PTPN13: variants seen among roughly 807,000 people sequenced by gnomAD.
PTPN13 encodes tyrosine-protein phosphatase non-receptor type 13.
A neutral mutation model predicts 284.0 loss-of-function variants in PTPN13; 191 were observed. The ratio of observed to expected loss-of-function variants is 0.67; its 90% CI spans 0.60 to 0.76. PTPN13 has a LOEUF of 0.76. PTPN13 is among the 30% of genes least tolerant of loss of function. PTPN13 has a pLI of 0.00. For synonymous variants in PTPN13, 986 were observed against 1,022.3 expected (o/e 0.96, Z 0.68); for missense variants, 2,797 against 2,939.9 (o/e 0.95, Z 1.12).
At chr4:86,644,568 A>G (rs943607667) in intron 2 of PTPN13, among the ~76,000 whole-genome samples, 1 of 152,222 alleles carries the variant, frequency 6.6e-6, no homozygotes, top group Non-Finnish European at 1.5e-5. Context: ...CTAATAGAAC[A>G]TTGAAGAGAA....
chr4:86,698,975 G>C (rs1172523926), intron 6 of PTPN13, among the ~76,000 whole-genome samples: 1 of 152,132 alleles, frequency 6.6e-6, no homozygotes, highest in Non-Finnish European at 1.5e-5. Context: ...TAGCAACAGA[G>C]AATTAACGAA....
Position 86,803,691 on chromosome 4 carries a change from T to C in PTPN13, c.6506-18T>C, listed in dbSNP as rs536543242. 3.1e-6 allele frequency: 5 copies of C among 1,611,628 alleles called. No homozygotes were observed. In the African/African-American group the frequency reaches 5.3e-5, roughly 17 times the overall value. ...TGGTTCTGGAGGAACTGTTTTTAAA[T>C]TGCTGTCTTCCTATTAGATCATTCC... On this transcript the variant is annotated intron_variant, in intron 42 of 47. Transcript: ENST00000411767.
chr4:86,662,366 T>C (rs1298280387), intron 2 of PTPN13, among the ~76,000 whole-genome samples: 1 of 152,216 alleles, frequency 6.6e-6, no homozygotes, highest in Non-Finnish European at 1.5e-5. Flanking sequence ...GGAGTCTCAC[T>C]CTGTCACCAG....
Position 86,734,837 on chromosome 4 carries a change from T to A in PTPN13, c.2113T>A (p.Leu705Met). 1 of 1,613,464 alleles carries A rather than the reference T, an allele frequency of 6.2e-7. No individual in the cohort carries two copies. Among genetic ancestry groups the A allele is most frequent in the Non-Finnish European group, 8.5e-7 (1 of 1,179,518 alleles). ...DDETSLLLAS[L>M]ALQAEYGDYQ... is the part of the protein sequence containing the mutation. ...TGAGACTTCCTTATTGCTGGCATCC[T>A]TGGCTCTCCAGGCTGAGTATGGAGA... Residue 705 changes from leucine (L) to methionine (M), a missense_variant, in exon 14 of 48, where the codon TTG (leucine) becomes ATG (methionine). By Grantham distance (15) the Leu-to-Met change is conservative. Coordinates refer to ENST00000411767, the MANE Select transcript of PTPN13 (RefSeq NM_080683.3).
At chr4:86,771,139 G>A (rs780982524) in intron 30 of PTPN13, 32 bp from the exon 31 acceptor site, 2 of 1,529,018 alleles carry the variant, frequency 1.3e-6, no homozygotes, top group Admixed American at 2.1e-5. Flanking sequence ...TCATAGAATG[G>A]TCACAAATCT....
chr4:86,665,325 T>C lies in PTPN13; in HGVS notation c.116-7040T>C, dbSNP rs113170881. ...TAAAACAGACCAATTTGGAGTAACA[T>C]GTTTGCATGATTTCATGTTATTAGA... On this transcript the variant is annotated intron_variant, in intron 2 of 47. Transcript: ENST00000411767. Among the ~76,000 whole-genome samples the C allele has an allele frequency of 2.5e-3, 383 of 152,326 alleles. 3 individuals are homozygous for C. Among genetic ancestry groups the C allele is most frequent in the African/African-American group, 8.7e-3 (361 of 41,572 alleles).
chr4:86,631,623 A>G (rs941327003), intron 1 of PTPN13, among the ~76,000 whole-genome samples: 6 of 152,152 alleles, frequency 3.9e-5, no homozygotes, highest in African/African-American at 1.4e-4. Context: ...TTGGAGTTCT[A>G]AGAAGTTCTA....
chr4:86,752,622 G>C (rs1737524315), intron 19 of PTPN13, among the ~76,000 whole-genome samples: 1 of 152,072 alleles, frequency 6.6e-6, no homozygotes. Flanking sequence ...AAGGAAAATA[G>C]TAAATACTCT....
intron 20 of PTPN13, among the ~76,000 whole-genome samples, chr4:86,755,394 A>T (rs972916732): frequency 2.0e-5 from 3 of 146,698 alleles, no homozygotes; most frequent in Non-Finnish European, 4.5e-5. Context: ...CCTTTGTAAG[A>T]GTAAAAACAA....
rs772226747 is a variant in PTPN13 at position 86,771,168 on chromosome 4, C to G, written c.4804-3C>G. 6.2e-7 allele frequency: 1 copy of G among 1,604,372 alleles called. No individual in the cohort carries two copies. The highest frequency in any genetic ancestry group is 8.5e-7 in the Non-Finnish European group (1 of 1,174,914). ...CAAATCTCTTTAAATGTGTCCATTA[C>G]AGACCCCACTTCAGTCTCCAGCACA... On this transcript the variant is annotated splice_region_variant and splice_polypyrimidine_tract_variant and intron_variant, in intron 30 of 47. Coordinates refer to ENST00000411767, the MANE Select transcript of PTPN13 (RefSeq NM_080683.3).
In PTPN13 at chr4:86,717,599, A is replaced by G. The variant is rs59833448; in HGVS notation, c.1385+482A>G. On this transcript the variant is annotated intron_variant, in intron 9 of 47. Coordinates refer to ENST00000411767, the MANE Select transcript of PTPN13 (RefSeq NM_080683.3). ...CAGAAATTCATCAATTATATGAAAG[A>G]CAAAGTATTGGAATCTTTTAAAATC... Among the ~76,000 whole-genome samples the G allele has an allele frequency of 5.6e-3, 860 of 152,272 alleles. 12 individuals are homozygous for G. The highest frequency in any genetic ancestry group is 0.019 in the African/African-American group (806 of 41,520).
In PTPN13 at chr4:86,785,976, G is replaced by A. The variant is rs1335933789; in HGVS notation, c.6345+40G>A. On this transcript the variant is annotated intron_variant, in intron 40 of 47. Coordinates refer to ENST00000411767, the MANE Select transcript of PTPN13 (RefSeq NM_080683.3). ...TAAACAACCTAGGATATGACAGCTT[G>A]TTACAATTATGGGTTTAACCCAGAA... is the stretch of plus-strand genomic sequence containing the variant. 2.5e-6 allele frequency: 3 copies of A among 1,187,944 alleles called. No individual in the cohort carries two copies. The Admixed American group carries it at 7.2e-5, about 29-fold the overall frequency. 73.6% of individuals were successfully genotyped at this position (1,187,944 alleles called of 1,614,324 possible). A position where few individuals can be genotyped will look rare whatever the true frequency, so the allele number is the denominator to read the frequency against.
chr4:86,734,964 A>G, intron 14 of PTPN13, 89 bp downstream of exon 14: 2 of 1,424,598 alleles, frequency 1.4e-6, no homozygotes, highest in Non-Finnish European at 1.9e-6. Flanking sequence ...CAGGTGTTTG[A>G]TGTTTAGATC....
intron 1 of PTPN13, among the ~76,000 whole-genome samples, chr4:86,621,762 G>A (rs918109511): frequency 1.1e-4 from 16 of 152,064 alleles, no homozygotes; most frequent in Non-Finnish European, 1.9e-4. Context: ...GAACCCGTGT[G>A]TAGATAAGAA....
intron 7 of PTPN13, among the ~76,000 whole-genome samples, chr4:86,709,070 TACAC>T (rs57695851): frequency 1.2e-4 from 18 of 149,934 alleles, no homozygotes; most frequent in South Asian, 2.1e-4. Context: ...CACACACACA[TACAC>T]ACACACACAC....
At chr4:86,760,021 G>A (rs1038531457) in intron 23 of PTPN13, among the ~76,000 whole-genome samples, 2 of 152,110 alleles carry the variant, frequency 1.3e-5, no homozygotes, top group Non-Finnish European at 2.9e-5. Flanking sequence ...TGATAAAATA[G>A]AAGATGAAAA....
chr4:86,757,101 G>A (rs887741284), intron 20 of PTPN13, among the ~76,000 whole-genome samples: 3 of 152,132 alleles, frequency 2.0e-5, no homozygotes, highest in Non-Finnish European at 4.4e-5. Context: ...CTTGAATTGC[G>A]AAGTAGATGA....
At chr4:86,788,938 G>A (rs1482600750) in intron 40 of PTPN13, among the ~76,000 whole-genome samples, 1 of 152,210 alleles carries the variant, frequency 6.6e-6, no homozygotes, top group African/African-American at 2.4e-5. Flanking sequence ...GGCTACACAG[G>A]AGTAGGTGGA....
chr4:86,790,049 T>C (rs916205121), intron 40 of PTPN13, among the ~76,000 whole-genome samples: 1 of 152,154 alleles, frequency 6.6e-6, no homozygotes. Context: ...AAAGGCTTTG[T>C]ACTTTCTAAA....
Sources: gnomAD v4.1 joint callset for allele counts (sites outside exome capture counted in the v4.1 genomes callset) on GRCh38, gnomAD v4.1.1 for gene constraint, MANE v1.5 for transcripts, NCBI Gene and HGNC (gene_info 2026-07-23, HGNC 2026-07-21) for gene names.